The following ZNF736 variants were observed in gnomAD, a reference collection of about 807,000 sequenced individuals.
ZNF736 encodes the protein zinc finger protein 736.
ZNF736 carries 6 observed loss-of-function variants against 11.7 expected under a neutral mutation model. The observed-to-expected ratio is 0.51, with a 90% CI of 0.28 to 1.01. The LOEUF (loss-of-function observed/expected upper bound fraction) is 1.01, where lower values mean the gene tolerates loss of function less well. Ranked by LOEUF, ZNF736 falls within the 50% of genes least tolerant of loss-of-function variation. The pLI is 0.09. For missense variants in ZNF736, 444 were observed against 496.0 expected (o/e 0.90, Z 1.00); for synonymous variants, 139 against 164.7 (o/e 0.84, Z 1.19).
intron 3 of ZNF736, among the ~76,000 whole-genome samples, chr7:64,347,217 C>CTTTTTTTTT (rs35033527): frequency 5.4e-5 from 3 of 55,870 alleles, no homozygotes; most frequent in Non-Finnish European, 9.3e-5. Context: ...AAATGTTCGC[C>CTTTTTTTTT]TTTTTTTTTT....
chr7:64,321,933 A>G (rs1480288960), intron 1 of ZNF736, among the ~76,000 whole-genome samples: 1 of 152,240 alleles, frequency 6.6e-6, no homozygotes, highest in Non-Finnish European at 1.5e-5. Flanking sequence ...AATACGGTTT[A>G]TAAAGTAAGA....
chr7:64,319,309 A>G (rs191217463), intron 1 of ZNF736, among the ~76,000 whole-genome samples: 1,955 of 124,410 alleles, frequency 0.016, 26 homozygotes, highest in Non-Finnish European at 0.024. Context: ...GTGTGTGTGT[A>G]TATGTATGTG....
rs1355215458 is a variant in ZNF736 at position 64,340,125 on chromosome 7, G to A, written c.226+3143G>A. Reference sequence around the variant, plus strand: ...GCACTAGGGCAGTGTTCTGCAGTACGGCTGGTATATGGTGTGCCTGATGTG... The same window carrying A: ...GCACTAGGGCAGTGTTCTGCAGTACAGCTGGTATATGGTGTGCCTGATGTG... On this transcript the variant is annotated intron_variant, in intron 3 of 3. Transcript: ENST00000423484. Among the ~76,000 whole-genome samples, 3 of 152,134 alleles carry A rather than the reference G, an allele frequency of 2.0e-5. No homozygotes were observed. The South Asian group carries it at 6.2e-4, about 31-fold the overall frequency.
intron 1 of ZNF736, among the ~76,000 whole-genome samples, chr7:64,324,098 T>G (rs1386767886): frequency 6.6e-6 from 1 of 152,228 alleles, no homozygotes; most frequent in African/African-American, 2.4e-5. Context: ...CATATCCATT[T>G]TTGCTGATTT....
intron 1 of ZNF736, among the ~76,000 whole-genome samples, chr7:64,326,565 T>C (rs1338884671): frequency 1.3e-5 from 2 of 152,184 alleles, no homozygotes; most frequent in African/African-American, 4.8e-5. Flanking sequence ...TATTCATTTA[T>C]TTCTGCTATA....
chr7:64,346,154 G>A (rs1789407110), intron 3 of ZNF736, among the ~76,000 whole-genome samples: 1 of 152,056 alleles, frequency 6.6e-6, no homozygotes. Flanking sequence ...GTATTTATAG[G>A]TTCTCAGTGA....
At position 64,314,043 on chromosome 7, in the gene ZNF736, T is replaced by C; in HGVS notation, c.-108T>C. ...TTCGCGTCTCCACTGTTCCATCTCC[T>C]CCGTTCCTGGAGTTCCTCGGTGACT... On this transcript the variant is annotated 5_prime_UTR_variant, in exon 1 of 4. Transcript: ENST00000423484. The C allele has an allele frequency of 1.4e-6, 2 of 1,477,068 alleles. No individual in the cohort carries two copies. The highest frequency in any genetic ancestry group is 2.4e-5 in the South Asian group (2 of 82,546). 91.5% of individuals were successfully genotyped at this position (1,477,068 alleles called of 1,614,324 possible). A position where few individuals can be genotyped will look rare whatever the true frequency, so the allele number is the denominator to read the frequency against.
chr7:64,347,003 T>A (rs1360592778), intron 3 of ZNF736, among the ~76,000 whole-genome samples: 1 of 151,784 alleles, frequency 6.6e-6, no homozygotes, highest in Non-Finnish European at 1.5e-5. Context: ...GATATTCTTT[T>A]TTTTCTTTGA....
In ZNF736 at chr7:64,353,441, CT is replaced by C. The variant is rs1789516438; in HGVS notation, c.*4298del. On this transcript the variant is annotated 3_prime_UTR_variant, in exon 4 of 4. Coordinates refer to ENST00000423484, the MANE Select transcript of ZNF736 (RefSeq NM_001170905.3). ...TGCTTCTAGTCAGCAATCTCGATCA[CT>C]TTTCTCTAAAGGGAACCTACTTTTT... 1 of 152,230 alleles carries C rather than the reference CT, an allele frequency of 6.6e-6. No homozygotes were observed. The highest frequency in any genetic ancestry group is 2.4e-5 in the African/African-American group (1 of 41,462). The allele number at this position is 152,230 out of a possible 1,614,324, so 9.4% of individuals were successfully genotyped here. A position where few individuals can be genotyped will look rare whatever the true frequency, so the allele number is the denominator to read the frequency against.
Position 64,349,465 on chromosome 7 carries a change from T to C in ZNF736, c.*318T>C, listed in dbSNP as rs1789457400. 4.7e-6 allele frequency: 1 copy of C among 214,370 alleles called. No individual in the cohort carries two copies. The highest frequency in any genetic ancestry group is 2.3e-5 in the African/African-American group (1 of 43,366). The allele number at this position is 214,370 out of a possible 1,614,324, so 13.3% of individuals were successfully genotyped here. A position where few individuals can be genotyped will look rare whatever the true frequency, so the allele number is the denominator to read the frequency against. On this transcript the variant is annotated 3_prime_UTR_variant, in exon 4 of 4. Coordinates refer to ENST00000423484, the MANE Select transcript of ZNF736 (RefSeq NM_001170905.3). Reference sequence around the variant, plus strand: ...TCTTTTTCCCTTTATTTTGAGCTTATTTGAGATGGGTGTCTTGATTAAAGC... The same window carrying C: ...TCTTTTTCCCTTTATTTTGAGCTTACTTGAGATGGGTGTCTTGATTAAAGC...
At chr7:64,321,286 C>T (rs1240875143) in intron 1 of ZNF736, among the ~76,000 whole-genome samples, 1 of 152,210 alleles carries the variant, frequency 6.6e-6, no homozygotes, top group African/African-American at 2.4e-5. Context: ...TTGCCTAGAG[C>T]ACCCAAATGA....
At chr7:64,339,236 C>G (rs1371009644) in intron 3 of ZNF736, among the ~76,000 whole-genome samples, 1 of 152,038 alleles carries the variant, frequency 6.6e-6, no homozygotes. Context: ...AACCACTTAT[C>G]AGATATGGTT....
At chr7:64,347,163 G>A (rs1789422027) in intron 3 of ZNF736, among the ~76,000 whole-genome samples, 4 of 136,038 alleles carry the variant, frequency 2.9e-5, no homozygotes, top group Non-Finnish European at 6.3e-5. Context: ...TCTCAAGCCT[G>A]TTCTATGGAT....
chr7:64,337,755 G>GTTTTTTTTTTTTTTTTTT (rs147991832), intron 3 of ZNF736, among the ~76,000 whole-genome samples: 4 of 86,256 alleles, frequency 4.6e-5, no homozygotes, highest in Non-Finnish European at 8.2e-5. Flanking sequence ...TGTTTTTTTT[G>GTTTTTTTTTTTTTTTTTT]GTTTTTTTTT....
chr7:64,328,496 C>A (rs1358984600), intron 1 of ZNF736, among the ~76,000 whole-genome samples: 1 of 152,040 alleles, frequency 6.6e-6, no homozygotes, highest in African/African-American at 2.4e-5. Context: ...CGCGGTGGCT[C>A]ACGCCTGTAA....
At chr7:64,347,849 A>T (rs539203144) in intron 3 of ZNF736, among the ~76,000 whole-genome samples, 1 of 152,306 alleles carries the variant, frequency 6.6e-6, no homozygotes, top group East Asian at 1.9e-4. Flanking sequence ...AAATACTTTT[A>T]TTACACTTCT....
At chr7:64,331,711 C>G (rs1472680960) in intron 1 of ZNF736, among the ~76,000 whole-genome samples, 1 of 152,166 alleles carries the variant, frequency 6.6e-6, no homozygotes, top group Non-Finnish European at 1.5e-5. Flanking sequence ...ATCACGAGCG[C>G]TTTCAGATAC....
chr7:64,320,988 T>C (rs566383518), intron 1 of ZNF736, among the ~76,000 whole-genome samples: 1 of 152,316 alleles, frequency 6.6e-6, no homozygotes, highest in East Asian at 1.9e-4. Flanking sequence ...TTCTAAGGCA[T>C]GTTACCTAGA....
At chr7:64,346,511 T>C (rs1361352597) in intron 3 of ZNF736, among the ~76,000 whole-genome samples, 1 of 151,902 alleles carries the variant, frequency 6.6e-6, no homozygotes, top group Non-Finnish European at 1.5e-5. Context: ...TATGTCATCC[T>C]GTTCCCTTCT....
Sources: allele counts gnomAD v4.1 joint callset (sites outside exome capture counted in the v4.1 genomes callset), GRCh38; gene constraint gnomAD v4.1.1; transcripts MANE v1.5; gene names NCBI Gene and HGNC (gene_info 2026-07-23, HGNC 2026-07-21).